TMEM255A: variants seen among roughly 807,000 people sequenced by gnomAD.
The protein encoded by TMEM255A is transmembrane protein 255A.
A neutral mutation model predicts 23.5 loss-of-function variants in TMEM255A; 14 were observed. That is an observed-to-expected ratio of 0.60 (90% CI 0.39 to 0.93). The LOEUF (loss-of-function observed/expected upper bound fraction) is 0.93, where lower values mean the gene tolerates loss of function less well. Ranked by LOEUF, TMEM255A falls within the 40% of genes least tolerant of loss-of-function variation. The pLI is 0.00. For missense variants in TMEM255A, 233 were observed against 261.7 expected, an observed-to-expected ratio of 0.89 and a Z score of 0.76; for synonymous variants, 104 against 100.3, an observed-to-expected ratio of 1.04 and a Z score of -0.22.
intron 8 of TMEM255A, among the ~76,000 whole-genome samples, chrX:120,267,621 T>C (rs1849146413): frequency 8.9e-6 from 1 of 112,224 alleles, no homozygotes; most frequent in African/African-American, 3.2e-5. Flanking sequence ...CTACTAGTAG[T>C]CACAGTTCAA....
downstream of TMEM255A, chrX:120,254,440 T>C: frequency 8.3e-7 from 1 of 1,211,469 alleles, no homozygotes; most frequent in Non-Finnish European, 1.1e-6. Flanking sequence ...GATGACACTA[T>C]TAGCTCCAGT....
At chrX:120,271,398 C>T (rs1371491493) in intron 7 of TMEM255A, among the ~76,000 whole-genome samples, 3 of 111,586 alleles carry the variant, frequency 2.7e-5, no homozygotes, top group Non-Finnish European at 5.6e-5. Flanking sequence ...TAAACAGAGA[C>T]AGTAATACCT....
intron 8 of TMEM255A, among the ~76,000 whole-genome samples, chrX:120,263,378 C>T (rs73219114): frequency 0.034 from 3,863 of 112,169 alleles, 67 homozygotes; most frequent in Non-Finnish European, 0.051. Context: ...GCTTCCTGAG[C>T]GGCTTCTTAG....
intron 8 of TMEM255A, among the ~76,000 whole-genome samples, chrX:120,266,328 TG>T (rs1556017599): frequency 9.2e-6 from 1 of 108,813 alleles, no homozygotes; most frequent in African/African-American, 3.4e-5. Context: ...TACTGTCCCC[TG>T]ACCCCCCACC....
intron 7 of TMEM255A, among the ~76,000 whole-genome samples, chrX:120,271,465 TA>T (rs1372896697): frequency 1.8e-5 from 2 of 112,044 alleles, no homozygotes; most frequent in African/African-American, 3.2e-5. Context: ...TGCAGAGGGT[TA>T]GGGGCCATTA....
chrX:120,305,274 A>G (rs1185016411), intron 1 of TMEM255A, among the ~76,000 whole-genome samples: 2 of 111,825 alleles, frequency 1.8e-5, no homozygotes, highest in African/African-American at 6.5e-5. Context: ...CAGGATTATT[A>G]AGTCAGACAG....
At chrX:120,269,734 A>G (rs1373482710) in intron 7 of TMEM255A, among the ~76,000 whole-genome samples, 1 of 111,586 alleles carries the variant, frequency 9.0e-6, no homozygotes, top group Admixed American at 9.5e-5. Context: ...TGACCATTCC[A>G]AGGGCTGGCT....
chrX:120,287,248 G>A (rs781804895), intron 4 of TMEM255A, 26 bp from the exon 5 acceptor site: 2 of 1,173,312 alleles, frequency 1.7e-6, no homozygotes, highest in African/African-American at 3.7e-5. Context: ...CCAAAACAAA[G>A]GGGTTTTGAC....
At chrX:120,274,737 G>A (rs1378208875) in intron 7 of TMEM255A, among the ~76,000 whole-genome samples, 1 of 112,099 alleles carries the variant, frequency 8.9e-6, no homozygotes, top group African/African-American at 3.2e-5. Flanking sequence ...CATCTTGAAA[G>A]TGGACAAGGA....
rs782054550 is a variant in TMEM255A at position 120,291,303 on chromosome X, A to G, written c.302T>C (p.Ile101Thr). 8.3e-7 allele frequency: 1 copy of G among 1,207,340 alleles called. No individual in the cohort carries two copies. Among genetic ancestry groups the G allele is most frequent in the African/African-American group, 1.8e-5 (1 of 57,014 alleles). Residue 101 changes from isoleucine to threonine, a missense_variant, in exon 4 of 9, where the codon ATT becomes ACT. By Grantham distance (89) the Ile-to-Thr change is moderately conservative. Transcript: ENST00000371369. Reference protein sequence around the residue: ...ASIVFISFGVIAAFCCAIVDG... With the variant: ...ASIVFISFGVTAAFCCAIVDG... ...AACTATGGCACAACAAAAAGCCGCAATCACACCAAAGCTGATAAACACGAT... is the reference window on the plus strand; with the variant it reads ...AACTATGGCACAACAAAAAGCCGCAGTCACACCAAAGCTGATAAACACGAT...
chrX:120,275,768 G>A (rs1398110505), intron 7 of TMEM255A, among the ~76,000 whole-genome samples: 1 of 97,650 alleles, frequency 1.0e-5, no homozygotes, highest in African/African-American at 3.8e-5. Flanking sequence ...AGAATCTTTA[G>A]AGAAGGAGCC....
chrX:120,252,027 G>T, the TMEM255A span, among the ~76,000 whole-genome samples: 8 of 112,739 alleles, frequency 7.1e-5, no homozygotes, highest in African/African-American at 2.3e-4. Flanking sequence ...CCTTTCTGAT[G>T]ATGAATGCCT....
In TMEM255A at chrX:120,259,087, C is replaced by G; in HGVS notation, c.*1783G>C. ...AGAAATGTGATAAATGTAGGATAAA[C>G]TGTGTAATGGTGCCTTAAAAAATTA... On this transcript the variant is annotated 3_prime_UTR_variant, in exon 9 of 9. Transcript: ENST00000371369. 1 of 112,479 alleles carries G rather than the reference C, an allele frequency of 8.9e-6. No individual in the cohort carries two copies. The allele number at this position is 112,479 out of a possible 1,213,427, so 9.3% of individuals were successfully genotyped here.
rs72292985 is a variant in TMEM255A at position 120,297,087 on chromosome X, AAT to A, written c.202-3038_202-3037del. ...TATTATATATATTATATTATATTAT[AAT>A]ATATATAATATTATATATATTATAT... On this transcript the variant is annotated intron_variant, in intron 2 of 8. Transcript: ENST00000371369. 8.5e-3 allele frequency among the ~76,000 whole-genome samples: 72 copies of A among 8,450 alleles called. 3 individuals are homozygous for A. The highest frequency in any genetic ancestry group is 0.021 in the African/African-American group (10 of 482). The allele number at this position is 8,450 out of a possible 115,157, so 7.3% of individuals were successfully genotyped here.
intron 3 of TMEM255A, among the ~76,000 whole-genome samples, chrX:120,293,342 C>G (rs72607684): frequency 0.077 from 8,655 of 112,990 alleles, 272 homozygotes; most frequent in East Asian, 0.13. Context: ...AGTATAACAG[C>G]TTGCCCTTGT....
chrX:120,308,631 T>C (rs782308956), intron 1 of TMEM255A, among the ~76,000 whole-genome samples: 1 of 112,045 alleles, frequency 8.9e-6, no homozygotes, highest in Non-Finnish European at 1.9e-5. Context: ...CTCCCCACTT[T>C]AGACAGTTCT....
chrX:120,272,508 T>C (rs1556018978), intron 7 of TMEM255A, among the ~76,000 whole-genome samples: 1 of 110,609 alleles, frequency 9.0e-6, no homozygotes, highest in Non-Finnish European at 1.9e-5. Context: ...ATCGTGGGGG[T>C]GGTTCCTCCA....
At position 120,268,328 on chromosome X, in the gene TMEM255A, G is replaced by A; in HGVS notation, c.735C>T (p.Tyr245=). ...AGGATGCCACTTGGGGATGAGCATA[G>A]TAAGAAACTGTTGGATGGGTATTTT... ...SVENTHPTVS[Y]YAHPQVASYN... is the part of the protein sequence containing the mutation. The change falls in exon 8 of 9, where the codon TAC becomes TAT. Residue 245 remains tyrosine (Y), a synonymous_variant. Transcript: ENST00000371369. The A allele has an allele frequency of 1.7e-6, 2 of 1,210,858 alleles. No homozygotes were observed. The highest frequency in any genetic ancestry group is 2.2e-6 in the Non-Finnish European group (2 of 894,837).
At chrX:120,293,322 G>T (rs1282069167) in intron 3 of TMEM255A, among the ~76,000 whole-genome samples, 1 of 112,821 alleles carries the variant, frequency 8.9e-6, no homozygotes, top group Non-Finnish European at 1.9e-5. Flanking sequence ...TTTTCAGATT[G>T]AACCAGGAAA....
Sources: gnomAD v4.1 joint callset for allele counts (sites outside exome capture counted in the v4.1 genomes callset) on GRCh38, gnomAD v4.1.1 for gene constraint, MANE v1.5 for transcripts, NCBI Gene and HGNC (gene_info 2026-07-23, HGNC 2026-07-21) for gene names.